The following C12orf42 variants were observed in gnomAD, a reference collection of about 807,000 sequenced individuals.
The protein encoded by C12orf42 is chromosome 12 open reading frame 42.
Under a neutral mutation model 21.6 loss-of-function variants are expected in C12orf42, and 25 were observed. That is an observed-to-expected ratio of 1.16 (90% CI 0.84 to 1.62). The LOEUF (loss-of-function observed/expected upper bound fraction) is 1.62, where lower values mean the gene tolerates loss of function less well. Ranked by LOEUF, C12orf42 falls within the 40% of genes most tolerant of loss-of-function variation. The pLI, the probability that C12orf42 is intolerant of heterozygous loss-of-function variation, is 0.00. For synonymous variants in C12orf42, 174 were observed against 175.0 expected (o/e 0.99, Z 0.05); for missense variants, 483 against 459.3 (o/e 1.05, Z -0.47).
downstream of C12orf42, among the ~76,000 whole-genome samples, chr12:103,264,638 G>T (rs559653745): frequency 6.6e-6 from 1 of 152,132 alleles, no homozygotes. Flanking sequence ...TAATAAGTTA[G>T]CAAGTTATTT....
At chr12:103,089,839 A>C in the C12orf42 span, among the ~76,000 whole-genome samples, 1 of 152,200 alleles carries the variant, frequency 6.6e-6, no homozygotes, top group Non-Finnish European at 1.5e-5. Context: ...TGAATAAAAT[A>C]TATTAAAAAA....
chr12:103,128,256 G>C, the C12orf42 span, among the ~76,000 whole-genome samples: 1 of 152,080 alleles, frequency 6.6e-6, no homozygotes, highest in Non-Finnish European at 1.5e-5. Context: ...AAAAAGCAAA[G>C]AGAGAAAAGA....
chr12:103,104,723 G>A, the C12orf42 span, among the ~76,000 whole-genome samples: 56 of 152,286 alleles, frequency 3.7e-4, no homozygotes, highest in African/African-American at 1.1e-3. Flanking sequence ...GTGAGCCACC[G>A]CGCCTGGCCG....
chr12:103,516,705 A>C, the C12orf42 span, among the ~76,000 whole-genome samples: 28 of 152,290 alleles, frequency 1.8e-4, no homozygotes, highest in East Asian at 1.4e-3. Context: ...CCCTCCCTTA[A>C]CACATGTGGA....
At chr12:103,202,075 C>T in the C12orf42 span, among the ~76,000 whole-genome samples, 5 of 152,314 alleles carry the variant, frequency 3.3e-5, no homozygotes, top group East Asian at 7.7e-4. Context: ...ACCACAGACT[C>T]TGGGAATCCA....
chr12:103,430,160 T>C lies in C12orf42; in HGVS notation c.79-28485A>G, dbSNP rs533315809. Among the ~76,000 whole-genome samples, 6 of 152,272 alleles carry C rather than the reference T, an allele frequency of 3.9e-5. No homozygotes were observed. In the South Asian group the frequency reaches 1.2e-3, roughly 32 times the overall value. ...TTCTGCACAGCAAAAGAAACTATCA[T>C]CAGAGTGAACAGGCAACTTACAGAA... On this transcript the variant is annotated intron_variant, in intron 2 of 5. Transcript: ENST00000548883.
chr12:103,235,267 T>C (rs187555849), downstream of C12orf42, among the ~76,000 whole-genome samples: 15 of 152,230 alleles, frequency 9.9e-5, no homozygotes, highest in African/African-American at 3.6e-4. Flanking sequence ...AAAATTACAT[T>C]TCCTTTTTAG....
At chr12:103,557,709 T>G in the C12orf42 span, 4 of 152,044 alleles carry the variant, frequency 2.6e-5, no homozygotes, top group African/African-American at 7.2e-5. Context: ...GATGGACACT[T>G]CCCATCCTGT....
downstream of C12orf42, chr12:103,268,048 T>C (rs2035257689): frequency 6.6e-6 from 1 of 152,166 alleles, no homozygotes; most frequent in East Asian, 1.9e-4. Context: ...CACCTTCCTC[T>C]TTGTTTTTAC....
the C12orf42 span, among the ~76,000 whole-genome samples, chr12:103,071,858 A>G: frequency 2.6e-5 from 4 of 152,156 alleles, no homozygotes; most frequent in African/African-American, 9.6e-5. Flanking sequence ...GTTTCCACCC[A>G]GACCAAAAAT....
At chr12:103,155,778 T>G in the C12orf42 span, among the ~76,000 whole-genome samples, 1 of 150,654 alleles carries the variant, frequency 6.6e-6, no homozygotes, top group Non-Finnish European at 1.5e-5. Flanking sequence ...TATATACATA[T>G]AGTAAAAATA....
the C12orf42 span, among the ~76,000 whole-genome samples, chr12:103,118,525 G>C: frequency 6.6e-6 from 1 of 152,032 alleles, no homozygotes; most frequent in Non-Finnish European, 1.5e-5. Context: ...TTGGCTGGGC[G>C]CGGTGGCTCA....
chr12:103,332,279 C>T (rs2041303013), intron 4 of C12orf42, among the ~76,000 whole-genome samples: 1 of 152,082 alleles, frequency 6.6e-6, no homozygotes. Context: ...GTAACTTGCT[C>T]CAAGTTCATA....
At chr12:103,101,897 G>T in the C12orf42 span, among the ~76,000 whole-genome samples, 3 of 152,234 alleles carry the variant, frequency 2.0e-5, no homozygotes, top group Non-Finnish European at 4.4e-5. Context: ...ACCTATCTCT[G>T]CTGCATGTAG....
chr12:103,420,554 G>A (rs749756866), intron 2 of C12orf42, among the ~76,000 whole-genome samples: 46 of 151,818 alleles, frequency 3.0e-4, no homozygotes, highest in Non-Finnish European at 5.7e-4. Flanking sequence ...CATGTTTCAT[G>A]TTTCTTTTTT....
intron 2 of C12orf42, among the ~76,000 whole-genome samples, chr12:103,468,110 A>T (rs1436858414): frequency 6.6e-6 from 1 of 152,242 alleles, no homozygotes; most frequent in Non-Finnish European, 1.5e-5. Flanking sequence ...TTATTTCTGA[A>T]TGTGAGTCAT....
chr12:103,365,021 T>C (rs927330106), intron 4 of C12orf42, among the ~76,000 whole-genome samples: 13 of 151,192 alleles, frequency 8.6e-5, no homozygotes, highest in African/African-American at 1.2e-4. Context: ...GGGAAGGGCA[T>C]AACAAAAAAA....
In C12orf42 at chr12:103,289,037, G is replaced by C. The variant is rs185311078; in HGVS notation, n.338-11827C>G. Reference sequence around the variant, plus strand: ...TGTTAGGCAACAATCACATTTAATAGAAATACATAAAAGATCACTTGGAAA... The same window carrying C: ...TGTTAGGCAACAATCACATTTAATACAAATACATAAAAGATCACTTGGAAA... On this transcript the variant is annotated intron_variant and non_coding_transcript_variant, in intron 4 of 6. Coordinates refer to the C12orf42 transcript ENST00000546526. 1.1e-4 allele frequency among the ~76,000 whole-genome samples: 16 copies of C among 152,198 alleles called. No individual in the cohort carries two copies. In the East Asian group the frequency reaches 3.1e-3, roughly 29 times the overall value.
intron 4 of C12orf42, among the ~76,000 whole-genome samples, chr12:103,351,095 T>C (rs1050978810): frequency 5.9e-5 from 9 of 152,128 alleles, no homozygotes; most frequent in African/African-American, 2.2e-4. Flanking sequence ...CCCTAGAAAA[T>C]AAGCTCTATA....
Sources: gnomAD v4.1 joint callset for allele counts (sites outside exome capture counted in the v4.1 genomes callset) on GRCh38, gnomAD v4.1.1 for gene constraint, MANE v1.5 for transcripts, NCBI Gene and HGNC (gene_info 2026-07-23, HGNC 2026-07-21) for gene names.